SYNPR: variants seen among roughly 807,000 people sequenced by gnomAD.
The protein encoded by SYNPR is synaptoporin.
In SYNPR, 23 loss-of-function variants were observed where a neutral mutation model predicts 32.9. The observed-to-expected ratio is 0.70, with a 90% CI of 0.50 to 0.99. The LOEUF (loss-of-function observed/expected upper bound fraction) is 0.99, where lower values mean the gene tolerates loss of function less well. SYNPR is among the 50% of genes least tolerant of loss of function. The pLI is 0.00. For missense variants in SYNPR, 318 were observed against 349.3 expected (o/e 0.91, Z 0.71); for synonymous variants, 146 against 135.9 (o/e 1.07, Z -0.52).
intron 4 of SYNPR, among the ~76,000 whole-genome samples, chr3:63,601,011 G>A (rs541596240): frequency 2.0e-5 from 3 of 152,102 alleles, no homozygotes; most frequent in Non-Finnish European, 2.9e-5. Flanking sequence ...AGTGGCTCAC[G>A]CCTATAATCC....
chr3:63,304,313 T>C (rs2086886185), intron 2 of SYNPR, among the ~76,000 whole-genome samples: 1 of 151,588 alleles, frequency 6.6e-6, no homozygotes, highest in Non-Finnish European at 1.5e-5. Flanking sequence ...TTCAATCACC[T>C]TGAGAGCTAA....
At chr3:63,506,544 C>G (rs563163718) in intron 3 of SYNPR, among the ~76,000 whole-genome samples, 100 of 152,206 alleles carry the variant, frequency 6.6e-4, no homozygotes, top group African/African-American at 2.3e-3. Flanking sequence ...TTTACTGGCC[C>G]CCTTTATGAT....
chr3:63,511,522 T>C (rs1337653205), intron 3 of SYNPR, among the ~76,000 whole-genome samples: 10 of 152,174 alleles, frequency 6.6e-5, no homozygotes, highest in Non-Finnish European at 1.2e-4. Context: ...CACGTATTTA[T>C]AATCCAAGAA....
At chr3:63,508,465 T>A (rs1033302216) in intron 3 of SYNPR, among the ~76,000 whole-genome samples, 1 of 152,098 alleles carries the variant, frequency 6.6e-6, no homozygotes, top group Non-Finnish European at 1.5e-5. Flanking sequence ...AAGGTGACTC[T>A]GGTGATGTAA....
chr3:63,455,959 G>A (rs1011860627), intron 2 of SYNPR, among the ~76,000 whole-genome samples: 4 of 152,136 alleles, frequency 2.6e-5, no homozygotes, highest in South Asian at 2.1e-4. Flanking sequence ...AAAGAAAGAG[G>A]TTTAATGGAC....
At chr3:63,269,939 A>C (rs2086520501) in intron 3 of SYNPR, among the ~76,000 whole-genome samples, 1 of 152,202 alleles carries the variant, frequency 6.6e-6, no homozygotes, top group Admixed American at 6.5e-5. Flanking sequence ...GAGGTACCTA[A>C]TTTAATCTAG....
At position 63,615,658 on chromosome 3, in the gene SYNPR, G is replaced by A. The variant is rs1030561328; in HGVS notation, c.*177G>A. 1.4e-6 allele frequency: 1 copy of A among 735,540 alleles called. No individual in the cohort carries two copies. Among genetic ancestry groups the A allele is most frequent in the Non-Finnish European group, 2.1e-6 (1 of 469,022 alleles). The allele number at this position is 735,540 out of a possible 1,614,324, so 45.6% of individuals were successfully genotyped here. The stretch of plus-strand genomic sequence containing the variant: ...GTTGTGAAAAATGATACTTAGAGAT[G>A]AGGCGACATGAGGAGATATATTATT... On this transcript the variant is annotated 3_prime_UTR_variant, in exon 6 of 6. Transcript: ENST00000478300.
intron 2 of SYNPR, among the ~76,000 whole-genome samples, chr3:63,307,448 C>G (rs1161742124): frequency 6.6e-6 from 1 of 151,960 alleles, no homozygotes; most frequent in Non-Finnish European, 1.5e-5. Flanking sequence ...TTCCTTCATT[C>G]CTTAATGTTT....
chr3:63,285,730 G>T (rs1251325002), intron 2 of SYNPR, among the ~76,000 whole-genome samples: 1 of 152,158 alleles, frequency 6.6e-6, no homozygotes, highest in Admixed American at 6.5e-5. Flanking sequence ...TTATGGATTT[G>T]AATTCAGATT....
At chr3:63,613,528 T>C (rs961030121) in intron 5 of SYNPR, among the ~76,000 whole-genome samples, 5 of 138,302 alleles carry the variant, frequency 3.6e-5, no homozygotes. Context: ...TTAGATCAGT[T>C]GGGGGCCTAG....
chr3:63,348,889 T>C (rs538527432), intron 2 of SYNPR, among the ~76,000 whole-genome samples: 2 of 152,306 alleles, frequency 1.3e-5, no homozygotes, highest in African/African-American at 2.4e-5. Flanking sequence ...TTGATCTATA[T>C]GTCTATGCTG....
intron 3 of SYNPR, among the ~76,000 whole-genome samples, chr3:63,501,494 C>T (rs1475923669): frequency 1.0e-5 from 1 of 96,740 alleles, no homozygotes; most frequent in African/African-American, 3.9e-5. Context: ...CTCCCCCAAC[C>T]AAAAAAAAAA....
At chr3:63,550,898 T>C (rs894706604) in intron 3 of SYNPR, among the ~76,000 whole-genome samples, 1 of 152,186 alleles carries the variant, frequency 6.6e-6, no homozygotes, top group African/African-American at 2.4e-5. Context: ...TTCCACCCCA[T>C]CCTGCACCAC....
chr3:63,305,754 G>C (rs2086903314), intron 2 of SYNPR, among the ~76,000 whole-genome samples: 1 of 151,872 alleles, frequency 6.6e-6, no homozygotes, highest in Non-Finnish European at 1.5e-5. Flanking sequence ...CTGTCAAATC[G>C]AGTTGTTAGA....
At chr3:63,484,480 C>G (rs1301918426) in intron 3 of SYNPR, among the ~76,000 whole-genome samples, 1 of 152,018 alleles carries the variant, frequency 6.6e-6, no homozygotes, top group South Asian at 2.1e-4. Flanking sequence ...TGAACTTATA[C>G]ATGAATAAAA....
intron 4 of SYNPR, among the ~76,000 whole-genome samples, chr3:63,560,480 A>C (rs1242299714): frequency 6.6e-6 from 1 of 152,222 alleles, no homozygotes; most frequent in Non-Finnish European, 1.5e-5. Context: ...TTCAAATACT[A>C]GAAAAGCATT....
intron 4 of SYNPR, among the ~76,000 whole-genome samples, chr3:63,579,199 C>A (rs749633964): frequency 1.3e-5 from 2 of 152,054 alleles, no homozygotes; most frequent in Non-Finnish European, 2.9e-5. Context: ...CTGTTCAAAC[C>A]CATTTTAGGC....
chr3:63,262,293 G>C (rs535563788), intron 2 of SYNPR, among the ~76,000 whole-genome samples: 1 of 152,258 alleles, frequency 6.6e-6, no homozygotes, highest in East Asian at 1.9e-4. Context: ...GACCATGCTG[G>C]CCACAGCTTG....
chr3:63,555,556 G>T (rs1702581741), intron 3 of SYNPR, among the ~76,000 whole-genome samples: 1 of 152,056 alleles, frequency 6.6e-6, no homozygotes, highest in Admixed American at 6.6e-5. Flanking sequence ...TGAAAGTATT[G>T]CCCAAAGCAT....
Sources: gnomAD v4.1 joint callset for allele counts (sites outside exome capture counted in the v4.1 genomes callset) on GRCh38, gnomAD v4.1.1 for gene constraint, MANE v1.5 for transcripts, NCBI Gene and HGNC (gene_info 2026-07-23, HGNC 2026-07-21) for gene names.